IP6K3: variants seen among roughly 807,000 people sequenced by gnomAD.
The protein encoded by IP6K3 is ATP:1D-myo-inositol-hexakisphosphate phosphotransferase.
A neutral mutation model predicts 28.8 loss-of-function variants in IP6K3; 20 were observed. That is an observed-to-expected ratio of 0.70 (90% CI 0.49 to 1.01). The LOEUF is 1.01. Ranked by LOEUF, IP6K3 falls within the 50% of genes least tolerant of loss-of-function variation. IP6K3 has a pLI of 0.00. For missense variants in IP6K3, 480 were observed against 537.1 expected (o/e 0.89, Z 1.05); for synonymous variants, 213 against 221.3 (o/e 0.96, Z 0.33).
chr6:33,760,153 A>G, the IP6K3 span, among the ~76,000 whole-genome samples: 2 of 149,730 alleles, frequency 1.3e-5, no homozygotes, highest in Non-Finnish European at 2.9e-5. Context: ...CTGATGCTCC[A>G]TATATACTCA....
chr6:33,726,868 T>C lies in IP6K3; in HGVS notation c.452A>G (p.Asn151Ser), dbSNP rs746574796. The change falls in exon 4 of 6, where the codon AAC (asparagine) becomes AGC (serine). Residue 151 changes from asparagine to serine, a missense_variant. By Grantham distance (46) the Asn-to-Ser change is conservative. Coordinates refer to ENST00000293756, the MANE Select transcript of IP6K3 (RefSeq NM_054111.5). ...KALLRSEPHLNTPAFSLVEDT... is the reference protein window; with the variant it reads ...KALLRSEPHLSTPAFSLVEDT... ...TTCCACCAGCGAGAAGGCTGGAGTG[T>C]TGAGGTGGGGCTCGGACCTCAGAAG... 46 of 1,612,002 alleles carry C rather than the reference T, an allele frequency of 2.9e-5. No individual in the cohort carries two copies. Among genetic ancestry groups the C allele is most frequent in the Non-Finnish European group, 3.6e-5 (43 of 1,178,504 alleles).
chr6:33,735,708 G>T, intron 1 of IP6K3, 53 bp from the exon 2 acceptor site: 2 of 1,047,162 alleles, frequency 1.9e-6, no homozygotes, highest in Non-Finnish European at 2.7e-6. Context: ...GGTGGCTGGG[G>T]CAGGGCAGCG....
Position 33,735,407 on chromosome 6 carries a change from G to C in IP6K3, c.70C>G (p.Gln24Glu), listed in dbSNP as rs748299494. The C allele has an allele frequency of 1.2e-6, 2 of 1,608,282 alleles. No individual in the cohort carries two copies. The highest frequency in any genetic ancestry group is 1.3e-5 in the African/African-American group (1 of 74,860). The change falls in exon 2 of 6, where the codon CAG becomes GAG. Residue 24 changes from glutamine (Q) to glutamate (E), a missense_variant. By Grantham distance (29) the Gln-to-Glu change is conservative (BLOSUM62 2). Coordinates refer to ENST00000293756, the MANE Select transcript of IP6K3 (RefSeq NM_054111.5). ...AGVQLEPFLH[Q>E]VGGHMSVMKY... ...ATCACGCTCATGTGCCCCCCGACCT[G>C]GTGCAGGAAGGGCTCCAGCTGCACG... is the stretch of plus-strand genomic sequence containing the variant.
In IP6K3 at chr6:33,738,794, C is replaced by T. The variant is rs1010867974; in HGVS notation, c.-179-3139G>A. On this transcript the variant is annotated intron_variant, in intron 1 of 5. Transcript: ENST00000293756. ...GGAGGCCAGGACTTGGCCAAAGTCACCTGTAAGTCACTGGCAGTGCTGGGG... is the reference window on the plus strand; with the variant it reads ...GGAGGCCAGGACTTGGCCAAAGTCATCTGTAAGTCACTGGCAGTGCTGGGG... Among the ~76,000 whole-genome samples the T allele has an allele frequency of 4.6e-5, 7 of 152,206 alleles. No individual in the cohort carries two copies. The East Asian group carries it at 1.3e-3, about 29-fold the overall frequency.
chr6:33,750,252 A>G (rs191589576), upstream of IP6K3, among the ~76,000 whole-genome samples: 423 of 152,322 alleles, frequency 2.8e-3, 3 homozygotes, highest in African/African-American at 9.1e-3. This position sits in a 1 kb window ranked among gnomAD's most constrained non-coding sequence, Gnocchi z 4.3. Context: ...GCCTGCTCCT[A>G]CAAGCCATTC....
At position 33,730,086 on chromosome 6, in the gene IP6K3, C is replaced by T. The variant is rs905644909; in HGVS notation, c.200-1786G>A. On this transcript the variant is annotated intron_variant, in intron 2 of 5. Coordinates refer to ENST00000293756, the MANE Select transcript of IP6K3 (RefSeq NM_054111.5). ...CTTTTGTTTTCTGCTGGGCCCTGAC[C>T]GAAAGAGGGTAGGCCGCATGTTTTT... Among the ~76,000 whole-genome samples, 8 of 152,226 alleles carry T rather than the reference C, an allele frequency of 5.3e-5. No homozygotes were observed. In the East Asian group the frequency reaches 7.7e-4, roughly 15 times the overall value.
chr6:33,723,582 C>A (rs1398091868), intron 5 of IP6K3, among the ~76,000 whole-genome samples: 1 of 152,230 alleles, frequency 6.6e-6, no homozygotes, highest in Non-Finnish European at 1.5e-5. Context: ...TAATAGGAAT[C>A]TGAAATCACA....
Position 33,731,813 on chromosome 6 carries a change from G to T in IP6K3, c.199+3465C>A, listed in dbSNP as rs186792750. On this transcript the variant is annotated intron_variant, in intron 2 of 5. Coordinates refer to ENST00000293756, the MANE Select transcript of IP6K3 (RefSeq NM_054111.5). ...TCTCCAGCTTGCCCTGTGTGTCTGT[G>T]GGGACAAGGCCTTGGAGGCCCACGG... 1.0e-3 allele frequency among the ~76,000 whole-genome samples: 159 copies of T among 152,172 alleles called. 1 individual carries two copies. Among genetic ancestry groups the T allele is most frequent in the African/African-American group, 3.6e-3 (149 of 41,522 alleles).
At chr6:33,729,673 A>T (rs765854155) in intron 2 of IP6K3, among the ~76,000 whole-genome samples, 4 of 151,220 alleles carry the variant, frequency 2.6e-5, no homozygotes, top group Non-Finnish European at 5.9e-5. Context: ...GTACCCCTGA[A>T]TCCTGCATAT....
At chr6:33,733,280 C>A (rs1291321300) in intron 2 of IP6K3, among the ~76,000 whole-genome samples, 1 of 152,250 alleles carries the variant, frequency 6.6e-6, no homozygotes. Flanking sequence ...TAGCAGAGCC[C>A]CAAGGGGGCT....
At chr6:33,740,749 G>A (rs567589394) in intron 1 of IP6K3, among the ~76,000 whole-genome samples, 10 of 152,298 alleles carry the variant, frequency 6.6e-5, no homozygotes, top group African/African-American at 2.2e-4. Flanking sequence ...TCTTATAACC[G>A]CTTTCCACAT....
chr6:33,724,362 C>G (rs1766019264), intron 5 of IP6K3, among the ~76,000 whole-genome samples: 1 of 152,212 alleles, frequency 6.6e-6, no homozygotes, highest in Non-Finnish European at 1.5e-5. Flanking sequence ...GACTCAACTT[C>G]CAGCTTCAAG....
Position 33,746,383 on chromosome 6 carries a change from C to T in IP6K3, c.-180+375G>A, listed in dbSNP as rs1189670366. On this transcript the variant is annotated intron_variant, in intron 1 of 5. Transcript: ENST00000293756. The surrounding 1 kb of genome is among the most constrained non-coding windows in gnomAD (Gnocchi z 6.5). Reference sequence around the variant, plus strand: ...CGGCCTCTGTTAAGGGTTAACGCAGCCCCCGGTACTTGCCCCTCCCCCCAG... The same window carrying T: ...CGGCCTCTGTTAAGGGTTAACGCAGTCCCCGGTACTTGCCCCTCCCCCCAG... Among the ~76,000 whole-genome samples, 1 of 152,108 alleles carries T rather than the reference C, an allele frequency of 6.6e-6. No individual in the cohort carries two copies. The highest frequency in any genetic ancestry group is 1.5e-5 in the Non-Finnish European group (1 of 68,006).
At chr6:33,727,024 A>G (rs1766145692) in intron 3 of IP6K3, 118 bp from the exon 4 acceptor site, 6 of 1,104,874 alleles carry the variant, frequency 5.4e-6, no homozygotes, top group Non-Finnish European at 6.2e-6. Flanking sequence ...GCTGCTCTCC[A>G]GGGCAGCCCT....
intron 5 of IP6K3, among the ~76,000 whole-genome samples, chr6:33,724,289 A>C (rs916380441): frequency 4.6e-5 from 7 of 152,208 alleles, no homozygotes; most frequent in African/African-American, 1.7e-4. Flanking sequence ...AAATCATCAC[A>C]CTCCATTCTC....
upstream of IP6K3, among the ~76,000 whole-genome samples, chr6:33,747,834 A>G (rs566687148): frequency 6.6e-6 from 1 of 152,154 alleles, no homozygotes; most frequent in South Asian, 2.1e-4. This position sits in a 1 kb window ranked among gnomAD's most constrained non-coding sequence, Gnocchi z 5.2. Flanking sequence ...TAAAACTCTC[A>G]AAGGTGGGCA....
the IP6K3 span, among the ~76,000 whole-genome samples, chr6:33,756,016 C>A: frequency 6.6e-6 from 1 of 152,200 alleles, no homozygotes; most frequent in Non-Finnish European, 1.5e-5. Flanking sequence ...AGGCATGTGC[C>A]ATCATGACTG....
chr6:33,734,157 C>T (rs1187977692), intron 2 of IP6K3, among the ~76,000 whole-genome samples: 5 of 144,424 alleles, frequency 3.5e-5, no homozygotes, highest in South Asian at 2.2e-4. Flanking sequence ...GAGCCAAGAT[C>T]GCGCCATTGC....
the IP6K3 span, among the ~76,000 whole-genome samples, chr6:33,755,599 TGTGTG>T: frequency 6.6e-6 from 1 of 152,258 alleles, no homozygotes; most frequent in Non-Finnish European, 1.5e-5. Context: ...TCCTGTGTTT[TGTGTG>T]GTGGCCCTCC....
Sources: allele counts gnomAD v4.1 joint callset (sites outside exome capture counted in the v4.1 genomes callset), GRCh38; gene constraint gnomAD v4.1.1; non-coding constraint Gnocchi (gnomAD v3.1); transcripts MANE v1.5; gene names NCBI Gene and HGNC (gene_info 2026-07-23, HGNC 2026-07-21).